HPSE2: variants seen among roughly 807,000 people sequenced by gnomAD.
The protein encoded by HPSE2 is heparanase 2 (inactive), also known as inactive heparanase-2.
HPSE2 carries 38 observed loss-of-function variants against 60.5 expected under a neutral mutation model. That is an observed-to-expected ratio of 0.63 (90% confidence interval 0.48 to 0.82). The LOEUF is 0.82. Ranked by LOEUF, HPSE2 falls within the 40% of genes least tolerant of loss-of-function variation. The pLI is 0.00. For missense variants in HPSE2, 713 were observed against 740.4 expected (o/e 0.96, Z 0.43); for synonymous variants, 295 against 293.2 (o/e 1.01, Z -0.06).
intron 3 of HPSE2, among the ~76,000 whole-genome samples, chr10:99,011,008 C>T (rs1406813425): frequency 1.1e-4 from 7 of 61,990 alleles, no homozygotes; most frequent in Non-Finnish European, 2.4e-4. Context: ...TCCCTCCTCC[C>T]ACCCTTCAAC....
At chr10:99,100,133 C>A (rs1034424170) in intron 3 of HPSE2, among the ~76,000 whole-genome samples, 1 of 152,208 alleles carries the variant, frequency 6.6e-6, no homozygotes, top group Admixed American at 6.5e-5. Context: ...TGGAACAAAG[C>A]TGGGTGGAGA....
chr10:98,841,419 T>C (rs538547705), intron 3 of HPSE2, among the ~76,000 whole-genome samples: 1 of 152,196 alleles, frequency 6.6e-6, no homozygotes, highest in Non-Finnish European at 1.5e-5. Context: ...AGTTTGATCA[T>C]ACCTATGTTC....
chr10:98,971,674 C>T (rs1280745650), intron 3 of HPSE2, among the ~76,000 whole-genome samples: 3 of 152,122 alleles, frequency 2.0e-5, no homozygotes, highest in Non-Finnish European at 4.4e-5. Context: ...GCAATCATTA[C>T]ATTTTATCTA....
At chr10:98,766,826 G>C (rs1420140728) in intron 3 of HPSE2, among the ~76,000 whole-genome samples, 1 of 152,080 alleles carries the variant, frequency 6.6e-6, no homozygotes, top group Non-Finnish European at 1.5e-5. Context: ...TCAGGAGACT[G>C]AGATGGGAGG....
rs144840934 is a variant in HPSE2, at chr10:98,615,782, T to A, written c.1206-764A>T. On this transcript the variant is annotated intron_variant, in intron 8 of 11. Transcript: ENST00000370552. ...ATTCATGCATTCATTTGGGCTTCTC[T>A]TTCTCTTCCTAATTCTGAAACTTAG... is the stretch of plus-strand genomic sequence containing the variant. Among the ~76,000 whole-genome samples, 434 of 152,342 alleles carry A rather than the reference T, an allele frequency of 2.8e-3. 1 individual carries two copies. The highest frequency in any genetic ancestry group is 0.017 in the Middle Eastern group (5 of 294).
chr10:98,537,555 C>G (rs1322745593), intron 9 of HPSE2, among the ~76,000 whole-genome samples: 1 of 152,082 alleles, frequency 6.6e-6, no homozygotes, highest in Non-Finnish European at 1.5e-5. Context: ...CTAGGAATAA[C>G]CGGCGGGTAT....
At chr10:98,868,952 G>A (rs1437847859) in intron 3 of HPSE2, among the ~76,000 whole-genome samples, 2 of 151,906 alleles carry the variant, frequency 1.3e-5, no homozygotes, top group East Asian at 3.9e-4. Flanking sequence ...AATTATTTCA[G>A]TCCTCTAGAA....
At chr10:98,866,520 G>A (rs889490483) in intron 3 of HPSE2, among the ~76,000 whole-genome samples, 1 of 151,944 alleles carries the variant, frequency 6.6e-6, no homozygotes, top group Admixed American at 6.6e-5. Flanking sequence ...AGAGCTCAAA[G>A]CATCCTAAGC....
At chr10:98,756,323 CA>C (rs1949877788) in intron 3 of HPSE2, among the ~76,000 whole-genome samples, 1 of 151,940 alleles carries the variant, frequency 6.6e-6, no homozygotes, top group Non-Finnish European at 1.5e-5. Context: ...TAACCAAAAT[CA>C]GAGCTGAACT....
intron 3 of HPSE2, among the ~76,000 whole-genome samples, chr10:98,883,985 T>C (rs1237448841): frequency 6.6e-6 from 1 of 152,086 alleles, no homozygotes; most frequent in Non-Finnish European, 1.5e-5. Flanking sequence ...AACTTGTTAA[T>C]GTAAAGAAAA....
chr10:98,467,221 T>C (rs567070059), intron 11 of HPSE2, among the ~76,000 whole-genome samples: 13 of 152,178 alleles, frequency 8.5e-5, no homozygotes, highest in Non-Finnish European at 1.9e-4. Flanking sequence ...CTGAGCTGAC[T>C]GCTTGTCAGT....
intron 5 of HPSE2, among the ~76,000 whole-genome samples, chr10:98,721,301 A>C (rs1461167429): frequency 6.6e-6 from 1 of 152,174 alleles, no homozygotes; most frequent in Non-Finnish European, 1.5e-5. Flanking sequence ...TTCACTTTCT[A>C]CAAGAGGACA....
intron 3 of HPSE2, among the ~76,000 whole-genome samples, chr10:99,143,525 G>A (rs1360811854): frequency 6.6e-6 from 1 of 152,104 alleles, no homozygotes; most frequent in Non-Finnish European, 1.5e-5. Flanking sequence ...GCCTTATGTG[G>A]TCTCAAGAAA....
chr10:99,146,532 G>C (rs1224022536), intron 2 of HPSE2, among the ~76,000 whole-genome samples: 1 of 152,162 alleles, frequency 6.6e-6, no homozygotes, highest in Non-Finnish European at 1.5e-5. Flanking sequence ...ATGAAGCCCA[G>C]AGTTCTAGTA....
chr10:98,536,569 T>C (rs375508152), intron 9 of HPSE2, among the ~76,000 whole-genome samples: 1 of 152,218 alleles, frequency 6.6e-6, no homozygotes, highest in East Asian at 1.9e-4. Context: ...AGTGTAGTCA[T>C]GTTTGCCATC....
chr10:98,617,226 T>C (rs1047348989), intron 8 of HPSE2, among the ~76,000 whole-genome samples: 1 of 152,200 alleles, frequency 6.6e-6, no homozygotes, highest in Non-Finnish European at 1.5e-5. Context: ...TGTTTACTCA[T>C]TCATTATTTA....
chr10:98,857,416 C>T (rs7091295), intron 3 of HPSE2, among the ~76,000 whole-genome samples: 2 of 152,014 alleles, frequency 1.3e-5, no homozygotes, highest in African/African-American at 4.8e-5. Context: ...ATTGTGAGTT[C>T]GAATAGAAAC....
At chr10:99,179,704 T>C (rs1336202272) in intron 2 of HPSE2, among the ~76,000 whole-genome samples, 1 of 151,916 alleles carries the variant, frequency 6.6e-6, no homozygotes, top group African/African-American at 2.4e-5. Flanking sequence ...TATAGATTCA[T>C]TGCTATCCCC....
intron 3 of HPSE2, among the ~76,000 whole-genome samples, chr10:98,791,443 C>G (rs142415261): frequency 3.5e-3 from 538 of 152,222 alleles, no homozygotes; most frequent in African/African-American, 0.012. Context: ...TGAGTACAGA[C>G]TATATGTTTA....
Sources: allele counts gnomAD v4.1 joint callset (sites outside exome capture counted in the v4.1 genomes callset), GRCh38; gene constraint gnomAD v4.1.1; transcripts MANE v1.5; gene names NCBI Gene and HGNC (gene_info 2026-07-23, HGNC 2026-07-21).